KIF2A: variants seen among roughly 807,000 people sequenced by gnomAD.
KIF2A encodes kinesin family member 2A.
Under a neutral mutation model 100.2 loss-of-function variants are expected in KIF2A, and 22 were observed. The ratio of observed to expected loss-of-function variants is 0.22; its 90% CI spans 0.16 to 0.31. The LOEUF (loss-of-function observed/expected upper bound fraction) is 0.31. KIF2A is among the 10% of genes least tolerant of loss of function. The probability of loss-of-function intolerance (pLI) is 1.00; values close to 1 mark genes in which losing one functional copy is unlikely to be tolerated. For missense variants in KIF2A, 495 were observed against 898.7 expected (o/e 0.55, Z 5.74); for synonymous variants, 268 against 285.9 (o/e 0.94, Z 0.63).
At chr5:62,350,237 C>A in intron 4 of KIF2A, 117 bp downstream of exon 4, 2 of 632,386 alleles carry the variant, frequency 3.2e-6, no homozygotes, top group Admixed American at 3.5e-5. Flanking sequence ...TTTTACCTGG[C>A]TAATTTTAAG....
At chr5:62,327,097 A>G (rs1202385194) in intron 1 of KIF2A, among the ~76,000 whole-genome samples, 1 of 151,714 alleles carries the variant, frequency 6.6e-6, no homozygotes, top group Admixed American at 6.6e-5. Flanking sequence ...TTCTGTGACT[A>G]CTCTTCTGAT....
Position 62,306,632 on chromosome 5 carries a change from C to A in KIF2A, c.64+96C>A, listed in dbSNP as rs866406577. The A allele has an allele frequency of 5.8e-6, 6 of 1,028,536 alleles. No individual in the cohort carries two copies. In the Middle Eastern group the frequency reaches 6.4e-4, roughly 109 times the overall value. 63.7% of individuals were successfully genotyped at this position (1,028,536 alleles called of 1,614,324 possible). On this transcript the variant is annotated intron_variant, in intron 1 of 20. Coordinates refer to ENST00000407818, the MANE Select transcript of KIF2A (RefSeq NM_001098511.3). ...GCCGGCCGCCTCATTGATTGCTTCG[C>A]CGGGCTGTGGGGGTGGGAAGGCGGC...
At chr5:62,370,942 G>A (rs1741295250) in intron 16 of KIF2A, among the ~76,000 whole-genome samples, 1 of 152,106 alleles carries the variant, frequency 6.6e-6, no homozygotes, top group South Asian at 2.1e-4. Flanking sequence ...GAAATGGGGT[G>A]GGAGTGAAAA....
At chr5:62,316,384 T>C (rs1745819900) in intron 1 of KIF2A, among the ~76,000 whole-genome samples, 1 of 152,242 alleles carries the variant, frequency 6.6e-6, no homozygotes, top group Non-Finnish European at 1.5e-5. Flanking sequence ...ACTTTTTCTT[T>C]GCTCTTACTT....
intron 6 of KIF2A, among the ~76,000 whole-genome samples, chr5:62,354,593 C>A (rs1346855849): frequency 6.6e-6 from 1 of 152,054 alleles, no homozygotes; most frequent in Non-Finnish European, 1.5e-5. Context: ...TTAAAATGAT[C>A]TTGGCTTCTG....
At chr5:62,376,634 T>G (rs1741562453) in intron 18 of KIF2A, among the ~76,000 whole-genome samples, 1 of 152,010 alleles carries the variant, frequency 6.6e-6, no homozygotes. Flanking sequence ...ATGGCCAAGC[T>G]GGTTTCGAAC....
chr5:62,339,551 T>TTTTTTTTTTTTTGAGACGG (rs1351980553), intron 1 of KIF2A, among the ~76,000 whole-genome samples: 1 of 142,588 alleles, frequency 7.0e-6, no homozygotes, highest in African/African-American at 2.9e-5. Flanking sequence ...TTATGTATCT[T>TTTTTTTTTTTTTGAGACGG]AGAGAAATTA....
intron 17 of KIF2A, among the ~76,000 whole-genome samples, chr5:62,372,918 C>T (rs1200349651): frequency 6.6e-6 from 1 of 152,024 alleles, no homozygotes; most frequent in African/African-American, 2.4e-5. Context: ...TCCTTGTCTG[C>T]AAGGAGCCTC....
chr5:62,324,754 C>T (rs1401296788), intron 1 of KIF2A, among the ~76,000 whole-genome samples: 1 of 152,136 alleles, frequency 6.6e-6, no homozygotes, highest in East Asian at 1.9e-4. Flanking sequence ...AACTATAAAA[C>T]CACTGGAAGA....
intron 9 of KIF2A, among the ~76,000 whole-genome samples, chr5:62,359,968 T>C (rs1489733625): frequency 1.3e-5 from 2 of 151,924 alleles, no homozygotes; most frequent in East Asian, 1.9e-4. Context: ...AATGTTCTAC[T>C]TGTAGATCTG....
chr5:62,366,488 GAGAT>G lies in KIF2A; in HGVS notation c.1646+10_1646+13del. 6.6e-7 allele frequency: 1 copy of G among 1,505,350 alleles called. No individual in the cohort carries two copies. Among genetic ancestry groups the G allele is most frequent in the Non-Finnish European group, 9.1e-7 (1 of 1,094,028 alleles). The allele number at this position is 1,505,350 out of a possible 1,614,324, so 93.2% of individuals were successfully genotyped here. A position where few individuals can be genotyped will look rare whatever the true frequency, so the allele number is the denominator to read the frequency against. On this transcript the variant is annotated splice_region_variant and intron_variant, in intron 16 of 20. Transcript: ENST00000407818. ...CATTAAGATATGCAAATAGGTATGA[GAGAT>G]AGTTCTCCATTTTGAAATTTGAGGG... is the stretch of plus-strand genomic sequence containing the variant.
intron 1 of KIF2A, among the ~76,000 whole-genome samples, chr5:62,331,242 T>C (rs1381867215): frequency 6.6e-6 from 1 of 151,976 alleles, no homozygotes; most frequent in African/African-American, 2.4e-5. Flanking sequence ...AGAAACCACA[T>C]CTCTACTAAA....
chr5:62,349,783 A>G (rs1382515118), intron 3 of KIF2A, among the ~76,000 whole-genome samples: 1 of 152,164 alleles, frequency 6.6e-6, no homozygotes, highest in Non-Finnish European at 1.5e-5. Context: ...ATGAGATGGG[A>G]ATAGCAGTAG....
chr5:62,339,895 A>T (rs1035819247), intron 1 of KIF2A, among the ~76,000 whole-genome samples: 1 of 151,868 alleles, frequency 6.6e-6, no homozygotes, highest in African/African-American at 2.4e-5. Context: ...AAGAAAAGCC[A>T]AAATATGATT....
chr5:62,367,323 G>C (rs577174687), intron 16 of KIF2A, among the ~76,000 whole-genome samples: 61 of 152,148 alleles, frequency 4.0e-4, no homozygotes, highest in African/African-American at 1.5e-3. Context: ...CTGGAGTGCA[G>C]TGGTGTGATC....
At chr5:62,308,237 G>T in intron 1 of KIF2A, 1 of 730,690 alleles carries the variant, frequency 1.4e-6, no homozygotes, top group South Asian at 2.4e-5. Context: ...TCTTTACTTG[G>T]GTTGAGGTTT....
intron 1 of KIF2A, among the ~76,000 whole-genome samples, chr5:62,336,588 T>G (rs1293914112): frequency 2.0e-5 from 3 of 152,084 alleles, no homozygotes; most frequent in Admixed American, 1.3e-4. Context: ...TAGGTGGAAC[T>G]GAACAATAAC....
intron 19 of KIF2A, among the ~76,000 whole-genome samples, chr5:62,378,493 T>A (rs1741639877): frequency 6.6e-6 from 1 of 152,214 alleles, no homozygotes; most frequent in African/African-American, 2.4e-5. Flanking sequence ...TTGTATTCCT[T>A]CTTTGATGTT....
At chr5:62,361,148 T>C in intron 9 of KIF2A, 94 bp from the exon 10 acceptor site, 1 of 555,926 alleles carries the variant, frequency 1.8e-6, no homozygotes, top group East Asian at 3.2e-5. Flanking sequence ...CTATTAAGTT[T>C]TATTTATTAA....
Sources: allele counts gnomAD v4.1 joint callset (sites outside exome capture counted in the v4.1 genomes callset), GRCh38; gene constraint gnomAD v4.1.1; transcripts MANE v1.5; gene names NCBI Gene and HGNC (gene_info 2026-07-23, HGNC 2026-07-21).